RRAS2: variants seen among roughly 807,000 people sequenced by gnomAD.
RRAS2 encodes ras-related protein R-Ras2.
A neutral mutation model predicts 27.6 loss-of-function variants in RRAS2; 7 were observed. That is an observed-to-expected ratio of 0.25 (90% CI 0.14 to 0.48). The LOEUF (loss-of-function observed/expected upper bound fraction) is 0.48, where lower values mean the gene tolerates loss of function less well. RRAS2 is among the 20% of genes least tolerant of loss of function. The pLI is 0.99. For missense variants in RRAS2, 178 were observed against 256.2 expected (o/e 0.69, Z 2.08); for synonymous variants, 86 against 90.9 (o/e 0.95, Z 0.31).
At chr11:14,334,889 G>A (rs928441521) in intron 1 of RRAS2, among the ~76,000 whole-genome samples, 14 of 151,996 alleles carry the variant, frequency 9.2e-5, no homozygotes, top group Middle Eastern at 3.2e-3. Context: ...ATGCACCACT[G>A]CACTACCACC....
chr11:14,307,743 AT>A (rs1422158548), intron 1 of RRAS2, among the ~76,000 whole-genome samples: 1 of 152,164 alleles, frequency 6.6e-6, no homozygotes, highest in African/African-American at 2.4e-5. Context: ...GTGATTCATT[AT>A]TTTTTTAAAT....
At chr11:14,357,618 C>G (rs1849110284) in intron 1 of RRAS2, among the ~76,000 whole-genome samples, 1 of 152,190 alleles carries the variant, frequency 6.6e-6, no homozygotes, top group Admixed American at 6.5e-5. Context: ...AGGTGACAAT[C>G]ACATTTGTTA....
chr11:14,299,982 T>C (rs1177863960), intron 1 of RRAS2, among the ~76,000 whole-genome samples: 1 of 152,040 alleles, frequency 6.6e-6, no homozygotes, highest in Non-Finnish European at 1.5e-5. Flanking sequence ...CCTGAAATTA[T>C]AAAAAGTTAC....
chr11:14,319,924 AAAC>A (rs1438106027), intron 1 of RRAS2, among the ~76,000 whole-genome samples: 1 of 152,248 alleles, frequency 6.6e-6, no homozygotes, highest in Non-Finnish European at 1.5e-5. Flanking sequence ...ATACGTTATA[AAAC>A]AACTAAACAA....
At chr11:14,363,666 G>A (rs1227247162), upstream of RRAS2, among the ~76,000 whole-genome samples, 1 of 152,162 alleles carries the variant, frequency 6.6e-6, no homozygotes. Context: ...AGCTACCTGG[G>A]AGGCTGAGGC....
intron 1 of RRAS2, among the ~76,000 whole-genome samples, chr11:14,353,883 G>A (rs1192377133): frequency 1.3e-5 from 2 of 152,042 alleles, no homozygotes; most frequent in East Asian, 1.9e-4. Context: ...CCTTTAGTAT[G>A]GTACCACTTT....
chr11:14,332,303 G>T (rs116782936), intron 1 of RRAS2, among the ~76,000 whole-genome samples: 1 of 152,140 alleles, frequency 6.6e-6, no homozygotes, highest in African/African-American at 2.4e-5. Flanking sequence ...AGTAAATTGT[G>T]GTATATCATA....
At chr11:14,295,925 T>C (rs1847535331) in intron 1 of RRAS2, 70 bp from the exon 2 acceptor site, 8 of 1,436,598 alleles carry the variant, frequency 5.6e-6, no homozygotes, top group Non-Finnish European at 3.9e-6. Context: ...TGTAATCCTA[T>C]GCTCTGGGAG....
At chr11:14,302,283 A>G (rs189232861) in intron 1 of RRAS2, among the ~76,000 whole-genome samples, 1 of 152,268 alleles carries the variant, frequency 6.6e-6, no homozygotes, top group African/African-American at 2.4e-5. Flanking sequence ...CCCTATTATT[A>G]CTTCTATCCA....
intron 1 of RRAS2, among the ~76,000 whole-genome samples, chr11:14,334,289 G>T (rs1461678771): frequency 6.6e-6 from 1 of 150,550 alleles, no homozygotes; most frequent in Admixed American, 6.6e-5. Context: ...CTTTGTCCTG[G>T]TTTTTTTTTC....
intron 1 of RRAS2, among the ~76,000 whole-genome samples, chr11:14,343,728 C>G (rs1368104576): frequency 6.7e-6 from 1 of 150,182 alleles, no homozygotes; most frequent in Non-Finnish European, 1.5e-5. Flanking sequence ...CAGCTACTTC[C>G]GGGGCTGAGG....
At position 14,358,824 on chromosome 11, in the gene RRAS2, C is replaced by T. The variant is rs2134048762; in HGVS notation, c.47G>A (p.Arg16Gln). The change falls in exon 1 of 6, where the codon CGG (arginine) becomes CAG (glutamine). Residue 16 changes from arginine to glutamine, a missense_variant. Coordinates refer to ENST00000256196, the MANE Select transcript of RRAS2 (RefSeq NM_012250.6). The surrounding 1 kb of genome is among the most constrained non-coding windows in gnomAD (Gnocchi z 5.1). Reference protein sequence around the residue: ...WRDGSGQEKYRLVVVGGGGVG... With the variant: ...WRDGSGQEKYQLVVVGGGGVG... The stretch of plus-strand genomic sequence containing the variant: ...GCCGCCCCCGCCGACCACCACGAGC[C>T]GGTACTTCTCCTGGCCGGAGCCGTC... The T allele has an allele frequency of 6.7e-7, 1 of 1,495,680 alleles. No individual in the cohort carries two copies. Among genetic ancestry groups the T allele is most frequent in the Non-Finnish European group, 9.0e-7 (1 of 1,116,374 alleles). 92.7% of individuals were successfully genotyped at this position (1,495,680 alleles called of 1,614,324 possible). A position where few individuals can be genotyped will look rare whatever the true frequency, so the allele number is the denominator to read the frequency against.
intron 1 of RRAS2, among the ~76,000 whole-genome samples, chr11:14,333,961 C>A (rs577953945): frequency 2.2e-3 from 333 of 152,284 alleles, no homozygotes; most frequent in Non-Finnish European, 4.1e-3. Context: ...ATTAGCTTAC[C>A]AGTCTTTTAA....
At chr11:14,313,404 A>G (rs1398477697) in intron 1 of RRAS2, among the ~76,000 whole-genome samples, 2 of 152,248 alleles carry the variant, frequency 1.3e-5, no homozygotes, top group Admixed American at 1.3e-4. Context: ...ATTTAGTAAA[A>G]GTACTTTCAT....
At chr11:14,302,064 C>CCACACACACACACACACACACA (rs1391326999) in intron 1 of RRAS2, among the ~76,000 whole-genome samples, 1 of 51,800 alleles carries the variant, frequency 1.9e-5, no homozygotes, top group African/African-American at 6.3e-5. Flanking sequence ...AGTAAATGTA[C>CCACACACACACACACACACACA]CACACACATA....
chr11:14,325,312 T>A (rs1232286826), intron 1 of RRAS2, among the ~76,000 whole-genome samples: 2 of 49,724 alleles, frequency 4.0e-5, no homozygotes, highest in Non-Finnish European at 1.0e-4. Flanking sequence ...CTTTTAGTAT[T>A]TTTTTTTTTT....
Position 14,359,029 on chromosome 11 carries a change from C to T in RRAS2, c.-159G>A, listed in dbSNP as rs1849147044. 2 of 1,123,756 alleles carry T rather than the reference C, an allele frequency of 1.8e-6. No individual in the cohort carries two copies. The highest frequency in any genetic ancestry group is 2.2e-6 in the Non-Finnish European group (2 of 919,634). The allele number at this position is 1,123,756 out of a possible 1,614,324, so 69.6% of individuals were successfully genotyped here. On this transcript the variant is annotated 5_prime_UTR_variant, in exon 1 of 6. Transcript: ENST00000256196. Reference sequence around the variant, plus strand: ...TCTGGAGGGCCGGTCAGCGCGGTAGCGCGGCGCTGGGGACTGGCTGGGTAC... The same window carrying T: ...TCTGGAGGGCCGGTCAGCGCGGTAGTGCGGCGCTGGGGACTGGCTGGGTAC...
At position 14,339,295 on chromosome 11, in the gene RRAS2, G is replaced by T. The variant is rs868936290; in HGVS notation, c.108+19468C>A. Among the ~76,000 whole-genome samples, 12 of 21,004 alleles carry T rather than the reference G, an allele frequency of 5.7e-4. No homozygotes were observed. The East Asian group carries it at 0.017, about 29-fold the overall frequency. The allele number at this position is 21,004 out of a possible 152,430, so 13.8% of individuals were successfully genotyped here. A position where few individuals can be genotyped will look rare whatever the true frequency, so the allele number is the denominator to read the frequency against. ...TCTCTACCAAAAAAAAAAAAAAAAG[G>T]GGGGGGGGGGAAGAAAAAATCTATA... is the stretch of plus-strand genomic sequence containing the variant. On this transcript the variant is annotated intron_variant, in intron 1 of 5. Transcript: ENST00000256196.
At chr11:14,320,905 G>A (rs1361065243) in intron 1 of RRAS2, among the ~76,000 whole-genome samples, 1 of 152,184 alleles carries the variant, frequency 6.6e-6, no homozygotes, top group African/African-American at 2.4e-5. Context: ...AAATGGCTGG[G>A]CATAGTGGCT....
Sources: gnomAD v4.1 joint callset for allele counts (sites outside exome capture counted in the v4.1 genomes callset) on GRCh38, gnomAD v4.1.1 for gene constraint, Gnocchi (gnomAD v3.1) non-coding constraint, MANE v1.5 for transcripts, NCBI Gene and HGNC (gene_info 2026-07-23, HGNC 2026-07-21) for gene names.